Variants in ZEB1 observed in about 807,000 individuals in gnomAD.
ZEB1 encodes zinc finger E-box binding homeobox 1, also known as zinc finger E-box-binding homeobox 1.
A neutral mutation model predicts 84.9 loss-of-function variants in ZEB1; 21 were observed. The ratio of observed to expected loss-of-function variants is 0.25; its 90% CI spans 0.18 to 0.36. ZEB1 has a LOEUF of 0.36. Among genes scored for constraint, ZEB1 ranks in the 10% least tolerant of loss-of-function variants. The probability of loss-of-function intolerance (pLI) is 1.00; values close to 1 mark genes in which losing one functional copy is unlikely to be tolerated. For missense variants in ZEB1, 1,104 were observed against 1,330.2 expected, an observed-to-expected ratio of 0.83 and a Z score of 2.65; for synonymous variants, 420 against 471.1, an observed-to-expected ratio of 0.89 and a Z score of 1.41.
At chr10:31,400,432 TATC>T (rs1352193680) in intron 1 of ZEB1, among the ~76,000 whole-genome samples, 4 of 152,156 alleles carry the variant, frequency 2.6e-5, no homozygotes, top group Admixed American at 2.6e-4. Flanking sequence ...TATACATTGG[TATC>T]ATTATATATG....
intron 8 of ZEB1, among the ~76,000 whole-genome samples, chr10:31,526,387 A>G (rs1405706606): frequency 1.3e-5 from 2 of 151,942 alleles, no homozygotes; most frequent in Admixed American, 6.6e-5. Flanking sequence ...CACTTGGCCC[A>G]TTTTCCACCT....
intron 2 of ZEB1, among the ~76,000 whole-genome samples, chr10:31,486,937 T>A (rs1262285551): frequency 6.6e-6 from 1 of 151,526 alleles, no homozygotes; most frequent in Non-Finnish European, 1.5e-5. Context: ...CTAATTTTTT[T>A]ATAAGATGTT....
At chr10:31,479,908 G>A (rs746251509) in intron 2 of ZEB1, among the ~76,000 whole-genome samples, 9 of 152,074 alleles carry the variant, frequency 5.9e-5, no homozygotes, top group Non-Finnish European at 1.0e-4. Context: ...CTGTAGAGAA[G>A]AAAGTATAAG....
intron 1 of ZEB1, among the ~76,000 whole-genome samples, chr10:31,356,800 G>A (rs1377009313): frequency 6.6e-6 from 1 of 152,154 alleles, no homozygotes; most frequent in Non-Finnish European, 1.5e-5. Flanking sequence ...TAGAGAATTT[G>A]TGCTCATCTA....
At chr10:31,426,722 G>T (rs983442356) in intron 1 of ZEB1, among the ~76,000 whole-genome samples, 1 of 152,006 alleles carries the variant, frequency 6.6e-6, no homozygotes, top group Non-Finnish European at 1.5e-5. Context: ...AGTTTGAATT[G>T]ATTTACCCTC....
intron 1 of ZEB1, among the ~76,000 whole-genome samples, chr10:31,404,036 T>C (rs1407000337): frequency 6.6e-6 from 1 of 152,140 alleles, no homozygotes; most frequent in African/African-American, 2.4e-5. Flanking sequence ...CTATATTTAC[T>C]ATATTAAATT....
intron 2 of ZEB1, among the ~76,000 whole-genome samples, chr10:31,473,189 G>A (rs142823013): frequency 5.7e-3 from 758 of 133,162 alleles, no homozygotes; most frequent in African/African-American, 0.011. Flanking sequence ...ATTCAACATA[G>A]TGTTGGAATT....
intron 1 of ZEB1, among the ~76,000 whole-genome samples, chr10:31,344,365 T>G: frequency 6.6e-6 from 1 of 152,068 alleles, no homozygotes; most frequent in East Asian, 1.9e-4. Context: ...TTTGACAATT[T>G]GTCAACTCAA....
intron 1 of ZEB1, among the ~76,000 whole-genome samples, chr10:31,350,376 A>C (rs1331619885): frequency 6.6e-6 from 1 of 152,182 alleles, no homozygotes; most frequent in Non-Finnish European, 1.5e-5. Context: ...TTCAAGAAGC[A>C]AGTACCTTAT....
chr10:31,522,636 TG>T (rs1353591029), intron 7 of ZEB1, among the ~76,000 whole-genome samples: 1 of 152,246 alleles, frequency 6.6e-6, no homozygotes, highest in Non-Finnish European at 1.5e-5. Context: ...ACAATAGTTT[TG>T]GATAGAGCTA....
chr10:31,405,917 C>T (rs971362289), intron 1 of ZEB1, among the ~76,000 whole-genome samples: 3 of 152,108 alleles, frequency 2.0e-5, no homozygotes, highest in Non-Finnish European at 2.9e-5. Flanking sequence ...TTGTTCAACT[C>T]CCACTTATGA....
chr10:31,475,587 G>A (rs1397717271), intron 2 of ZEB1, among the ~76,000 whole-genome samples: 2 of 152,084 alleles, frequency 1.3e-5, no homozygotes, highest in Non-Finnish European at 2.9e-5. Flanking sequence ...TCAACCTAAT[G>A]GTAGACATCT....
chr10:31,465,890 A>G (rs1212442660), intron 2 of ZEB1, among the ~76,000 whole-genome samples: 1 of 152,144 alleles, frequency 6.6e-6, no homozygotes, highest in African/African-American at 2.4e-5. Flanking sequence ...CAGGAGACTT[A>G]TTTTACCTTT....
At chr10:31,336,048 T>C (rs926023476) in intron 1 of ZEB1, among the ~76,000 whole-genome samples, 1 of 152,148 alleles carries the variant, frequency 6.6e-6, no homozygotes, top group Admixed American at 6.5e-5. Flanking sequence ...TTATGAAACA[T>C]TGGCAGACAT....
At chr10:31,407,623 G>A (rs1192147847) in intron 1 of ZEB1, among the ~76,000 whole-genome samples, 12 of 152,080 alleles carry the variant, frequency 7.9e-5, no homozygotes, top group Non-Finnish European at 1.5e-4. Context: ...TAATGGGATG[G>A]CTGGGTCAAA....
chr10:31,319,234 C>T lies in ZEB1; in HGVS notation c.-1C>T. 4 of 1,608,218 alleles carry T rather than the reference C, an allele frequency of 2.5e-6. No homozygotes were observed. The highest frequency in any genetic ancestry group is 8.5e-7 in the Non-Finnish European group (1 of 1,178,030). On this transcript the variant is annotated 5_prime_UTR_variant, in exon 1 of 9. Transcript: ENST00000424869. Reference sequence around the variant, plus strand: ...AGCATTTAGACACAAGCGAGAGGATCATGGCGGATGGCCCCAGGTGTAAGC... The same window carrying T: ...AGCATTTAGACACAAGCGAGAGGATTATGGCGGATGGCCCCAGGTGTAAGC...
In ZEB1 at chr10:31,388,539, T is replaced by G. The variant is rs996321572; in HGVS notation, c.58+69247T>G. Among the ~76,000 whole-genome samples the G allele has an allele frequency of 5.3e-5, 8 of 152,196 alleles. No individual in the cohort carries two copies. The East Asian group carries it at 1.5e-3, about 29-fold the overall frequency. ...GAGGAAAAAATACAAATTGGACCTT[T>G]TTGAAAAACCTTGAGAACCAATTTA... On this transcript the variant is annotated intron_variant, in intron 1 of 8. Transcript: ENST00000424869.
intron 3 of ZEB1, among the ~76,000 whole-genome samples, chr10:31,498,043 A>G (rs1174921771): frequency 6.6e-6 from 1 of 152,028 alleles, no homozygotes; most frequent in Non-Finnish European, 1.5e-5. Flanking sequence ...ATTTAATTCT[A>G]TACTTTGTCA....
chr10:31,521,982 T>C, intron 7 of ZEB1, 46 bp downstream of exon 7: 2 of 1,612,816 alleles, frequency 1.2e-6, no homozygotes, highest in Non-Finnish European at 1.7e-6. Flanking sequence ...ATATGCTATT[T>C]GACTAATTTC....
Sources: allele counts gnomAD v4.1 joint callset (sites outside exome capture counted in the v4.1 genomes callset), GRCh38; gene constraint gnomAD v4.1.1; transcripts MANE v1.5; gene names NCBI Gene and HGNC (gene_info 2026-07-23, HGNC 2026-07-21).